CARHSP1: variants seen among roughly 807,000 people sequenced by gnomAD.
CARHSP1 encodes the protein calcium-regulated heat-stable protein 1.
CARHSP1 carries 14 observed loss-of-function variants against 12.5 expected under a neutral mutation model. The observed-to-expected ratio is 1.12, with a 90% CI of 0.74 to 1.75. The LOEUF (loss-of-function observed/expected upper bound fraction) is 1.75, where lower values mean the gene tolerates loss of function less well. Ranked by LOEUF, CARHSP1 falls within the 40% of genes most tolerant of loss-of-function variation. The probability of loss-of-function intolerance (pLI) is 0.00; values close to 1 mark genes in which losing one functional copy is unlikely to be tolerated. For synonymous variants in CARHSP1, 161 were observed against 82.0 expected (o/e 1.96, Z -5.20); for missense variants, 343 against 201.6 (o/e 1.70, Z -4.25).
At position 8,859,234 on chromosome 16, in the gene CARHSP1, G is replaced by A; in HGVS notation, c.95C>T (p.Ser32Phe). The change falls in exon 2 of 4, where the codon TCC (serine) becomes TTC (phenylalanine). Residue 32 changes from serine (S) to phenylalanine (F), a missense_variant. Coordinates refer to ENST00000311052, the MANE Select transcript of CARHSP1 (RefSeq NM_014316.4). ...DTPRSRERSP[S>F]PLRGNVVPSP... ...TGGGACCACGTTGCCCCGCAGAGGG[G>A]ATGGTGAGCGCTCACGGCTCCGAGG... 1 of 1,602,272 alleles carries A rather than the reference G, an allele frequency of 6.2e-7. No homozygotes were observed. Among genetic ancestry groups the A allele is most frequent in the Non-Finnish European group, 8.5e-7 (1 of 1,176,838 alleles).
At chr16:8,856,799 C>T (rs894480732) in intron 3 of CARHSP1, among the ~76,000 whole-genome samples, 3 of 152,044 alleles carry the variant, frequency 2.0e-5, no homozygotes, top group East Asian at 1.9e-4. Flanking sequence ...GGGTGCAGAT[C>T]GAGGGTCCTC....
rs750103658 is a variant in CARHSP1, at chr16:8,858,449, G to A, written c.182C>T (p.Pro61Leu). The change falls in exon 3 of 4, where the codon CCC becomes CTC. Residue 61 changes from proline to leucine, a missense_variant. By Grantham distance (98) the Pro-to-Leu change is moderately conservative. Transcript: ENST00000311052. ...FSATVRASQG[P>L]VYKGVCKCFC... ...GCATTTGCAGACTCCTTTGTAGACG[G>A]GGCCCTGTGAAGCCCGCACCGTCCT... The A allele has an allele frequency of 6.2e-7, 1 of 1,613,932 alleles. No homozygotes were observed. The highest frequency in any genetic ancestry group is 1.1e-5 in the South Asian group (1 of 91,084).
At chr16:8,862,791 C>T (rs557221168) in intron 1 of CARHSP1, among the ~76,000 whole-genome samples, 1 of 152,240 alleles carries the variant, frequency 6.6e-6, no homozygotes, top group South Asian at 2.1e-4. Flanking sequence ...GGGTAGGGCC[C>T]GCTCAGGAAT....
chr16:8,865,898 T>C (rs548462210), intron 1 of CARHSP1, among the ~76,000 whole-genome samples: 13 of 152,208 alleles, frequency 8.5e-5, no homozygotes, highest in Non-Finnish European at 1.6e-4. Flanking sequence ...CTGGGGATCT[T>C]GTTCAAATGC....
chr16:8,855,220 G>C lies in CARHSP1; in HGVS notation c.388C>G (p.His130Asp). 2.5e-6 allele frequency: 4 copies of C among 1,613,326 alleles called. No individual in the cohort carries two copies. The highest frequency in any genetic ancestry group is 3.4e-6 in the Non-Finnish European group (4 of 1,179,508). Residue 130 changes from histidine to aspartate, a missense_variant, in exon 4 of 4, where the codon CAC becomes GAC. Physicochemically the swap from His to Asp is moderately conservative, Grantham distance 81 (BLOSUM62 -1). Transcript: ENST00000311052. ...TCATGCTTGGTGCCTGGTGCCAGGT[G>C]AGTGATGACGACCTCCACGGCCTGC... ...KLQAVEVVITHLAPGTKHETW... is the reference protein window; with the variant it reads ...KLQAVEVVITDLAPGTKHETW...
chr16:8,864,669 C>T (rs1176648635), intron 1 of CARHSP1, among the ~76,000 whole-genome samples: 1 of 152,212 alleles, frequency 6.6e-6, no homozygotes, highest in African/African-American at 2.4e-5. Flanking sequence ...TGGCCATGCA[C>T]CCCCTTCCCC....
At chr16:8,858,665 G>A (rs1243522262) in intron 2 of CARHSP1, 193 bp from the exon 3 acceptor site, 3 of 651,090 alleles carry the variant, frequency 4.6e-6, no homozygotes, top group African/African-American at 1.8e-5. Flanking sequence ...AGGACTCTTT[G>A]GATGACCCTG....
At chr16:8,861,567 C>A in intron 1 of CARHSP1, 1 of 1,250,292 alleles carries the variant, frequency 8.0e-7, no homozygotes, top group Non-Finnish European at 1.0e-6. Context: ...AATGTCAGAA[C>A]CCCTCCCCAG....
At chr16:8,855,512 C>G (rs1288225057) in intron 3 of CARHSP1, among the ~76,000 whole-genome samples, 186 bp from the exon 4 acceptor site, 2 of 152,150 alleles carry the variant, frequency 1.3e-5, no homozygotes, top group Non-Finnish European at 2.9e-5. Flanking sequence ...CAGCCTCTGT[C>G]CTAGGCAAGG....
At chr16:8,856,843 G>A (rs1239759944) in intron 3 of CARHSP1, among the ~76,000 whole-genome samples, 1 of 152,172 alleles carries the variant, frequency 6.6e-6, no homozygotes, top group Non-Finnish European at 1.5e-5. Flanking sequence ...GATCAGAGGT[G>A]AAGCATGGGG....
intron 1 of CARHSP1, chr16:8,859,918 A>G (rs536783563): frequency 4.9e-4 from 75 of 154,238 alleles, no homozygotes; most frequent in Non-Finnish European, 7.9e-4. Context: ...CGGAGGTTCC[A>G]GTGAGCTGAG....
chr16:8,866,018 A>G (rs1398550963), intron 1 of CARHSP1, among the ~76,000 whole-genome samples: 8 of 152,062 alleles, frequency 5.3e-5, no homozygotes, highest in African/African-American at 1.9e-4. Context: ...TGGTGGCACA[A>G]TCATGGCTCA....
chr16:8,858,901 TCA>T (rs2061246420), intron 2 of CARHSP1: 2 of 433,014 alleles, frequency 4.6e-6, no homozygotes, highest in African/African-American at 2.1e-5. Flanking sequence ...AACCAGACTC[TCA>T]TGTGTGGTTA....
At chr16:8,856,945 G>T (rs1324851117) in intron 3 of CARHSP1, among the ~76,000 whole-genome samples, 1 of 152,150 alleles carries the variant, frequency 6.6e-6, no homozygotes, top group African/African-American at 2.4e-5. Context: ...AAGGACGTCA[G>T]TAAGCATGCA....
At chr16:8,864,024 G>T in intron 1 of CARHSP1, among the ~76,000 whole-genome samples, 1 of 152,190 alleles carries the variant, frequency 6.6e-6, no homozygotes, top group East Asian at 1.9e-4. Context: ...GAGGAAGGCT[G>T]CAAACAGATC....
At chr16:8,866,118 T>C (rs1157151051) in intron 1 of CARHSP1, among the ~76,000 whole-genome samples, 2 of 152,162 alleles carry the variant, frequency 1.3e-5, no homozygotes, top group African/African-American at 4.8e-5. Flanking sequence ...CACACCCAGC[T>C]AATTTTTTTA....
At chr16:8,859,413 A>T (rs145617263) in intron 1 of CARHSP1, 78 bp from the exon 2 acceptor site, 8 of 1,289,100 alleles carry the variant, frequency 6.2e-6, no homozygotes, top group Non-Finnish European at 8.6e-6. Flanking sequence ...TCCACGTCTG[A>T]CAGTCCAGTA....
intron 1 of CARHSP1, among the ~76,000 whole-genome samples, chr16:8,866,177 CT>C (rs2061451639): frequency 6.6e-6 from 1 of 152,156 alleles, no homozygotes; most frequent in Non-Finnish European, 1.5e-5. Flanking sequence ...TGGTCTCGAC[CT>C]CCCAGGCTCA....
At chr16:8,866,474 C>A (rs921350961) in intron 1 of CARHSP1, 5 of 985,408 alleles carry the variant, frequency 5.1e-6, no homozygotes, top group Non-Finnish European at 4.8e-6. Flanking sequence ...CTGAGCTGAC[C>A]CATCCCAGTC....
Sources: gnomAD v4.1 joint callset for allele counts (sites outside exome capture counted in the v4.1 genomes callset) on GRCh38, gnomAD v4.1.1 for gene constraint, MANE v1.5 for transcripts, NCBI Gene and HGNC (gene_info 2026-07-23, HGNC 2026-07-21) for gene names.